IFNAR2: variants seen among roughly 807,000 people sequenced by gnomAD.
The protein encoded by IFNAR2 is interferon alpha and beta receptor subunit 2, also known as interferon alpha/beta receptor 2.
A neutral mutation model predicts 49.4 loss-of-function variants in IFNAR2; 30 were observed. That is an observed-to-expected ratio of 0.61 (90% CI 0.45 to 0.82). The LOEUF is 0.82. Among genes scored for constraint, IFNAR2 ranks in the 40% least tolerant of loss-of-function variants. The pLI, the probability that IFNAR2 is intolerant of heterozygous loss-of-function variation, is 0.00. For missense variants in IFNAR2, 600 were observed against 622.7 expected (o/e 0.96, Z 0.39); for synonymous variants, 224 against 234.5 (o/e 0.96, Z 0.41).
rs906409520 is a variant in IFNAR2 at position 33,238,278 on chromosome 21, C to T, written c.-83-3562C>T. Reference sequence around the variant, plus strand: ...CCATTGCTCCCTTGCAATGTATTTTCCTACTTTCTCTAATAAATCTGCCTT... The same window carrying T: ...CCATTGCTCCCTTGCAATGTATTTTTCTACTTTCTCTAATAAATCTGCCTT... On this transcript the variant is annotated intron_variant, in intron 1 of 8. Coordinates refer to ENST00000342136, the MANE Select transcript of IFNAR2 (RefSeq NM_001289125.3). Among the ~76,000 whole-genome samples the T allele has an allele frequency of 7.2e-5, 11 of 152,304 alleles. No homozygotes were observed. In the South Asian group the frequency reaches 1.0e-3, roughly 14 times the overall value.
At position 33,263,603 on chromosome 21, in the gene IFNAR2, A is replaced by G; in HGVS notation, c.*103A>G. On this transcript the variant is annotated 3_prime_UTR_variant, in exon 9 of 9. Coordinates refer to ENST00000342136, the MANE Select transcript of IFNAR2 (RefSeq NM_001289125.3). Reference sequence around the variant, plus strand: ...ATCGTCTGCAAGTGTTCTCCAAGGGAAGGAGGAGGAAACTGTGGTGTTCCT... The same window carrying G: ...ATCGTCTGCAAGTGTTCTCCAAGGGGAGGAGGAGGAAACTGTGGTGTTCCT... 9.1e-7 allele frequency: 1 copy of G among 1,103,066 alleles called. No homozygotes were observed. Among genetic ancestry groups the G allele is most frequent in the Non-Finnish European group, 1.3e-6 (1 of 789,288 alleles). The allele number at this position is 1,103,066 out of a possible 1,614,324, so 68.3% of individuals were successfully genotyped here.
chr21:33,263,193 C>T lies in IFNAR2; in HGVS notation c.1241C>T (p.Thr414Met), dbSNP rs369534116. The change falls in exon 9 of 9, where the codon ACG (threonine) becomes ATG (methionine). Residue 414 changes from threonine to methionine, a missense_variant. Physicochemically the swap from Thr to Met is moderately conservative, Grantham distance 81. Coordinates refer to ENST00000342136, the MANE Select transcript of IFNAR2 (RefSeq NM_001289125.3). ...DPFPEEDYSSTEGSGGRITFN... is the reference protein window; with the variant it reads ...DPFPEEDYSSMEGSGGRITFN... ...TTTCCCGAAGAGGACTACAGCTCCA[C>T]GGAGGGGTCTGGGGGCAGAATTACC... 1.9e-5 allele frequency: 31 copies of T among 1,614,058 alleles called. No homozygotes were observed. Among genetic ancestry groups the T allele is most frequent in the South Asian group, 8.8e-5 (8 of 91,086 alleles).
intron 6 of IFNAR2, among the ~76,000 whole-genome samples, chr21:33,250,684 C>T (rs568553035): frequency 3.3e-5 from 5 of 152,212 alleles, no homozygotes; most frequent in African/African-American, 1.2e-4. Context: ...ATTACAGGCA[C>T]CCGCCAGCAC....
chr21:33,230,251 G>T lies in IFNAR2; in HGVS notation c.-84+35G>T. ...CGTGGCGGGGTCGCGGGAGCGGAGC[G>T]CGTGGCCAGCTGACTGGAGGGAAAA... On this transcript the variant is annotated intron_variant, in intron 1 of 8. Transcript: ENST00000342136. The surrounding 1 kb of genome is among the most constrained non-coding windows in gnomAD (Gnocchi z 5.5). 9.1e-7 allele frequency: 1 copy of T among 1,092,954 alleles called. No individual in the cohort carries two copies. Among genetic ancestry groups the T allele is most frequent in the Middle Eastern group, 4.4e-4 (1 of 2,274 alleles). The allele number at this position is 1,092,954 out of a possible 1,614,324, so 67.7% of individuals were successfully genotyped here.
chr21:33,252,081 C>CATCTGTCTATCTATCT, intron 6 of IFNAR2: 1 of 380,656 alleles, frequency 2.6e-6, no homozygotes, highest in South Asian at 1.9e-5. Flanking sequence ...AGACCCCATC[C>CATCTGTCTATCTATCT]ATCTATCTAT....
chr21:33,252,842 T>C lies in IFNAR2; in HGVS notation c.709+12T>C. On this transcript the variant is annotated intron_variant, in intron 7 of 8. Coordinates refer to ENST00000342136, the MANE Select transcript of IFNAR2 (RefSeq NM_001289125.3). ...TGGCCAGGAATCAGGTATGTTCATT[T>C]TTTTAAATTCATGTTTTGAGTATTC... is the stretch of plus-strand genomic sequence containing the variant. The C allele has an allele frequency of 1.9e-6, 3 of 1,605,864 alleles. No individual in the cohort carries two copies. The East Asian group carries it at 6.7e-5, about 36-fold the overall frequency.
chr21:33,241,674 G>A (rs898852733), intron 1 of IFNAR2, among the ~76,000 whole-genome samples, 166 bp from the exon 2 acceptor site: 3 of 152,044 alleles, frequency 2.0e-5, no homozygotes, highest in African/African-American at 7.3e-5. Context: ...AACGACTGTT[G>A]CCTGTTCAAA....
At chr21:33,236,048 C>T (rs574939334) in intron 1 of IFNAR2, among the ~76,000 whole-genome samples, 1 of 152,226 alleles carries the variant, frequency 6.6e-6, no homozygotes, top group South Asian at 2.1e-4. Flanking sequence ...TATGGAATTG[C>T]CAAGTTATAC....
At chr21:33,247,677 G>T (rs1012170669) in intron 5 of IFNAR2, among the ~76,000 whole-genome samples, 1 of 152,136 alleles carries the variant, frequency 6.6e-6, no homozygotes, top group Non-Finnish European at 1.5e-5. Context: ...CCAAGAACAG[G>T]CCTACCCCTT....
intron 1 of IFNAR2, among the ~76,000 whole-genome samples, chr21:33,232,654 T>TAA (rs200638049): frequency 0.28 from 41,072 of 144,230 alleles, 6,215 homozygotes; most frequent in East Asian, 0.57. Context: ...CAGTCCTTGT[T>TAA]AAAAAAAAAA....
chr21:33,242,525 G>A (rs1156678291), intron 2 of IFNAR2, among the ~76,000 whole-genome samples: 1 of 151,834 alleles, frequency 6.6e-6, no homozygotes, highest in Non-Finnish European at 1.5e-5. Context: ...GAGGTCAGGA[G>A]ATCGAGACCA....
chr21:33,262,502 T>TTA, intron 8 of IFNAR2: 2 of 676,818 alleles, frequency 3.0e-6, no homozygotes, highest in South Asian at 3.1e-5. Flanking sequence ...ATTATTGCTG[T>TTA]CATCATCATC....
intron 1 of IFNAR2, among the ~76,000 whole-genome samples, chr21:33,238,630 A>G (rs1986663641): frequency 6.6e-6 from 1 of 152,064 alleles, no homozygotes; most frequent in Non-Finnish European, 1.5e-5. Context: ...ATACCTTTAA[A>G]TCTGAAAACA....
At chr21:33,249,756 C>T (rs1987711288) in intron 6 of IFNAR2, among the ~76,000 whole-genome samples, 1 of 152,188 alleles carries the variant, frequency 6.6e-6, no homozygotes, top group Non-Finnish European at 1.5e-5. Flanking sequence ...GTATAAAACC[C>T]TTGCAAGTGA....
chr21:33,247,255 T>A (rs1460933820), intron 5 of IFNAR2, among the ~76,000 whole-genome samples: 1 of 109,028 alleles, frequency 9.2e-6, no homozygotes, highest in Non-Finnish European at 1.9e-5. Flanking sequence ...TCTTTCTTTC[T>A]TTTTTTTTTT....
Position 33,230,412 on chromosome 21 carries a change from C to T in IFNAR2, c.-84+196C>T, listed in dbSNP as rs935709253. On this transcript the variant is annotated intron_variant, in intron 1 of 8. Transcript: ENST00000342136. The surrounding 1 kb of genome is among the most constrained non-coding windows in gnomAD (Gnocchi z 5.5). ...GCCCTTCCTCTCTCCCGGGGCCGCA[C>T]CTGCGACCCCAGGACCCCTCCCGGG... The T allele has an allele frequency of 2.1e-6, 1 of 473,520 alleles. No individual in the cohort carries two copies. The highest frequency in any genetic ancestry group is 2.0e-5 in the African/African-American group (1 of 48,790). 29.3% of individuals were successfully genotyped at this position (473,520 alleles called of 1,614,324 possible).
Position 33,263,397 on chromosome 21 carries a change from C to A in IFNAR2, c.1445C>A (p.Pro482His), listed in dbSNP as rs757519908. The A allele has an allele frequency of 2.5e-6, 4 of 1,613,966 alleles. No homozygotes were observed. Among genetic ancestry groups the A allele is most frequent in the Non-Finnish European group, 3.4e-6 (4 of 1,180,016 alleles). ...GGGGAAGGGACACAGCCAACCTTTC[C>A]CAGCCCCTCTTCAGAGGGCCTGTGG... ...ASGEGTQPTF[P>H]SPSSEGLWSE... Residue 482 changes from proline to histidine, a missense_variant, in exon 9 of 9, where the codon CCC (proline) becomes CAC (histidine). By Grantham distance (77) the Pro-to-His change is moderately conservative. Transcript: ENST00000342136.
chr21:33,251,515 G>C (rs2123500022), intron 6 of IFNAR2: 1 of 981,252 alleles, frequency 1.0e-6, no homozygotes, highest in Middle Eastern at 5.2e-4. Context: ...GAAGGAGATT[G>C]TGTGCTGGCC....
chr21:33,240,825 A>AT (rs1986865868), intron 1 of IFNAR2, among the ~76,000 whole-genome samples: 1 of 151,662 alleles, frequency 6.6e-6, no homozygotes, highest in Non-Finnish European at 1.5e-5. Context: ...AAAAAAAAAA[A>AT]AAAGTTACAT....
Sources: gnomAD v4.1 joint callset for allele counts (sites outside exome capture counted in the v4.1 genomes callset) on GRCh38, gnomAD v4.1.1 for gene constraint, Gnocchi (gnomAD v3.1) non-coding constraint, MANE v1.5 for transcripts, NCBI Gene and HGNC (gene_info 2026-07-23, HGNC 2026-07-21) for gene names.